Variants in RP2 observed in about 807,000 individuals in gnomAD.
RP2 encodes the protein RP2 activator of ARL3 GTPase, also known as protein XRP2.
A neutral mutation model predicts 20.3 loss-of-function variants in RP2; 3 were observed. The observed-to-expected ratio is 0.15, with a 90% CI of 0.07 to 0.38. The LOEUF (loss-of-function observed/expected upper bound fraction) is 0.38. RP2 is among the 10% of genes least tolerant of loss of function. The pLI is 1.00. For missense variants in RP2, 233 were observed against 268.5 expected (o/e 0.87, Z 0.92); for synonymous variants, 75 against 94.8 (o/e 0.79, Z 1.22).
Position 46,860,365 on chromosome X carries a change from A to G in RP2, c.883+263A>G, listed in dbSNP as rs1330528381. 2.7e-5 allele frequency among the ~76,000 whole-genome samples: 3 copies of G among 110,276 alleles called. No homozygotes were observed. The Admixed American group carries it at 2.9e-4, about 11-fold the overall frequency. On this transcript the variant is annotated intron_variant, in intron 3 of 4. Coordinates refer to ENST00000218340, the MANE Select transcript of RP2 (RefSeq NM_006915.3). ...ACATTTTATTATGTATCTTATTATC[A>G]TTTTAATTGTTGTATTATTGTTGTA...
chrX:46,875,640 G>A (rs113203017), intron 3 of RP2, among the ~76,000 whole-genome samples: 3,038 of 110,784 alleles, frequency 0.027, 46 homozygotes, highest in Middle Eastern at 0.062. Flanking sequence ...TATTCCTTCT[G>A]TTTCACTATG....
chrX:46,852,798 G>A (rs1357033779), intron 1 of RP2, among the ~76,000 whole-genome samples: 2 of 110,889 alleles, frequency 1.8e-5, no homozygotes, highest in Non-Finnish European at 3.8e-5. Context: ...GGCCAGGCTG[G>A]TCTCGAACTC....
intron 1 of RP2, among the ~76,000 whole-genome samples, chrX:46,845,559 C>T (rs1309368033): frequency 1.8e-5 from 2 of 111,499 alleles, no homozygotes; most frequent in African/African-American, 6.5e-5. Flanking sequence ...ATGGTTCCAT[C>T]GCCCCCAAAA....
At chrX:46,862,839 CACA>C (rs782332947) in intron 3 of RP2, among the ~76,000 whole-genome samples, 351 of 112,047 alleles carry the variant, frequency 3.1e-3, no homozygotes, top group Middle Eastern at 0.014. Context: ...TTGAAAAATA[CACA>C]ACATCATATG....
rs1556328380 is a variant in RP2, at chrX:46,879,692, G to A, written c.976G>A (p.Val326Ile). The A allele has an allele frequency of 8.5e-7, 1 of 1,178,830 alleles. No homozygotes were observed. Among genetic ancestry groups the A allele is most frequent in the African/African-American group, 1.8e-5 (1 of 56,720 alleles). ...NEIFNGTKMFVSESKETASGD... is the reference protein window; with the variant it reads ...NEIFNGTKMFISESKETASGD... Reference sequence around the variant, plus strand: ...AATTTTCTATTTAAAATAGATGTTTGTATCTGAAAGCAAGGAGACGGCATC... The same window carrying A: ...AATTTTCTATTTAAAATAGATGTTTATATCTGAAAGCAAGGAGACGGCATC... The change falls in exon 5 of 5, where the codon GTA becomes ATA. Residue 326 changes from valine to isoleucine, a missense_variant. By Grantham distance (29) the Val-to-Ile change is conservative. Transcript: ENST00000218340.
chrX:46,867,887 T>TTA (rs1925203883), intron 3 of RP2, among the ~76,000 whole-genome samples: 1 of 112,323 alleles, frequency 8.9e-6, no homozygotes, highest in African/African-American at 3.2e-5. Flanking sequence ...CACATTTTCT[T>TTA]TATCCATTTA....
chrX:46,850,383 G>A (rs782213614), intron 1 of RP2, among the ~76,000 whole-genome samples: 1 of 111,983 alleles, frequency 8.9e-6, no homozygotes, highest in South Asian at 3.7e-4. Context: ...TAGTCTCTCC[G>A]ATCAATCCAT....
intron 2 of RP2, among the ~76,000 whole-genome samples, chrX:46,857,554 G>A (rs782289990): frequency 8.0e-5 from 9 of 111,930 alleles, no homozygotes; most frequent in Admixed American, 3.8e-4. Flanking sequence ...GCAAGACTCC[G>A]TCTCAAAAAC....
chrX:46,854,078 A>G lies in RP2; in HGVS notation c.705A>G (p.Ser235=). 8.3e-7 allele frequency: 1 copy of G among 1,211,947 alleles called. No individual in the cohort carries two copies. The highest frequency in any genetic ancestry group is 1.1e-6 in the Non-Finnish European group (1 of 895,437). ...AGAGACAGAAGAGCAGCGATGAATC[A>G]TGCTTAGTGGTATTATTTGCTGGTG... The part of the protein sequence containing the change: ...RGQRQKSSDE[S]CLVVLFAGDY... Residue 235 remains serine, a synonymous_variant, in exon 2 of 5, where the codon TCA becomes TCG. Transcript: ENST00000218340.
intron 3 of RP2, among the ~76,000 whole-genome samples, chrX:46,870,868 T>C (rs141149417): frequency 0.011 from 1,199 of 111,578 alleles, 12 homozygotes; most frequent in African/African-American, 0.036. Context: ...TGTTATTTAA[T>C]GTTACAATTT....
chrX:46,864,912 T>C (rs1925144017), intron 3 of RP2, among the ~76,000 whole-genome samples: 2 of 112,413 alleles, frequency 1.8e-5, no homozygotes, highest in South Asian at 7.4e-4. Flanking sequence ...AAGGGCCTTG[T>C]AGGCCACTGT....
chrX:46,849,168 T>C (rs782359585), intron 1 of RP2, among the ~76,000 whole-genome samples: 10 of 110,662 alleles, frequency 9.0e-5, no homozygotes, highest in Non-Finnish European at 1.9e-4. Context: ...TTACGAAGGA[T>C]TTCAGTTTCA....
In RP2 at chrX:46,879,742, CT is replaced by C; in HGVS notation, c.1029del (p.Phe343LeufsTer19). On this transcript the variant is annotated frameshift_variant, in exon 5 of 5. Coordinates refer to ENST00000218340, the MANE Select transcript of RP2 (RefSeq NM_006915.3). LOFTEE classifies it high-confidence loss of function. Reference sequence around the variant, plus strand: ...CTGGAGATGTAGACAGCTTCTACAACTTTGCTGATATACAGATGGGAATATG... The same window carrying C: ...CTGGAGATGTAGACAGCTTCTACAACTTGCTGATATACAGATGGGAATATG... ...ASGDVDSFYN[F>X]ADIQMGI The C allele has an allele frequency of 1.7e-6, 2 of 1,196,249 alleles. No homozygotes were observed. The highest frequency in any genetic ancestry group is 2.3e-6 in the Non-Finnish European group (2 of 882,988).
chrX:46,878,145 T>C (rs371209024), intron 4 of RP2, among the ~76,000 whole-genome samples: 6 of 108,933 alleles, frequency 5.5e-5, no homozygotes, highest in Admixed American at 9.9e-5. Context: ...GAGGCCGAGG[T>C]GGGCGGATCA....
chrX:46,849,369 T>G (rs1435278158), intron 1 of RP2, among the ~76,000 whole-genome samples: 1 of 109,351 alleles, frequency 9.1e-6, no homozygotes, highest in Non-Finnish European at 1.9e-5. Context: ...GGTTTTTGTG[T>G]TTTTTTACCC....
At chrX:46,856,421 ATAAC>A (rs1556319236) in intron 2 of RP2, among the ~76,000 whole-genome samples, 2 of 112,060 alleles carry the variant, frequency 1.8e-5, no homozygotes, top group Admixed American at 9.6e-5. Context: ...AGCGATAATA[ATAAC>A]TAACACTTAC....
chrX:46,874,902 T>C (rs1465526146), intron 3 of RP2, among the ~76,000 whole-genome samples: 1 of 111,344 alleles, frequency 9.0e-6, no homozygotes, highest in Non-Finnish European at 1.9e-5. Context: ...CTTGCCTTTG[T>C]CTTGGGAAAG....
chrX:46,869,724 C>T (rs1373028058), intron 3 of RP2, among the ~76,000 whole-genome samples: 2 of 106,043 alleles, frequency 1.9e-5, no homozygotes, highest in Non-Finnish European at 3.9e-5. Flanking sequence ...ATTCTCCTGC[C>T]TCAGCCTCCT....
chrX:46,878,713 G>A (rs1556328162), intron 4 of RP2, among the ~76,000 whole-genome samples: 1 of 111,281 alleles, frequency 9.0e-6, no homozygotes, highest in Non-Finnish European at 1.9e-5. Context: ...GACTTTTAGA[G>A]CTGAATGATT....
Sources: gnomAD v4.1 joint callset for allele counts (sites outside exome capture counted in the v4.1 genomes callset) on GRCh38, gnomAD v4.1.1 for gene constraint, MANE v1.5 for transcripts, NCBI Gene and HGNC (gene_info 2026-07-23, HGNC 2026-07-21) for gene names.